The following TPRG1 variants were observed in gnomAD, a reference collection of about 807,000 sequenced individuals.
TPRG1 encodes the protein tumor protein p63-regulated gene 1 protein.
Under a neutral mutation model 29.3 loss-of-function variants are expected in TPRG1, and 29 were observed. That is an observed-to-expected ratio of 0.99 (90% CI 0.74 to 1.35). The LOEUF is 1.35. TPRG1 is among the 40% of genes most tolerant of loss of function. The probability of loss-of-function intolerance (pLI) is 0.00; values close to 1 mark genes in which losing one functional copy is unlikely to be tolerated. For missense variants in TPRG1, 327 were observed against 335.0 expected (o/e 0.98, Z 0.19); for synonymous variants, 130 against 116.8 (o/e 1.11, Z -0.73).
chr3:189,161,049 A>G (rs1273669158), intron 5 of TPRG1, among the ~76,000 whole-genome samples: 2 of 152,232 alleles, frequency 1.3e-5, no homozygotes, highest in African/African-American at 2.4e-5. Context: ...CTTCCTTGTG[A>G]TAAGATTGGT....
intron 3 of TPRG1, among the ~76,000 whole-genome samples, chr3:189,222,483 C>T (rs1044382479): frequency 6.6e-6 from 1 of 152,124 alleles, no homozygotes; most frequent in Non-Finnish European, 1.5e-5. Flanking sequence ...CTAGTCTAGA[C>T]CCCTGGTACT....
rs188303400 is a variant in TPRG1 at position 189,257,903 on chromosome 3, C to T, written c.479+18994C>T. ...TTAGTCTAGTTAGCAGTTCCTGTAG[C>T]CTTTTATCAAGGTTCTTAGCTTCTT... On this transcript the variant is annotated intron_variant, in intron 4 of 5. Coordinates refer to ENST00000345063, the MANE Select transcript of TPRG1 (RefSeq NM_198485.4). 5.3e-5 allele frequency among the ~76,000 whole-genome samples: 8 copies of T among 152,268 alleles called. No individual in the cohort carries two copies. The East Asian group carries it at 1.5e-3, about 29-fold the overall frequency.
In TPRG1 at chr3:189,037,997, C is replaced by T. The variant is rs115667688; in HGVS notation, c.-463+14051C>T. The stretch of plus-strand genomic sequence containing the variant: ...GTATTTTAAAGAGGTCAAATTTTGC[C>T]AAATTAAATAAAAAATGTATAGAAT... On this transcript the variant is annotated intron_variant, in intron 4 of 10. Coordinates refer to the TPRG1 transcript ENST00000433971. 3.6e-3 allele frequency among the ~76,000 whole-genome samples: 538 copies of T among 150,030 alleles called. 2 individuals carry two copies. The highest frequency in any genetic ancestry group is 5.3e-3 in the Non-Finnish European group (360 of 67,364).
chr3:189,045,540 A>G (rs985152631), intron 4 of TPRG1, among the ~76,000 whole-genome samples: 1 of 152,238 alleles, frequency 6.6e-6, no homozygotes, highest in Non-Finnish European at 1.5e-5. Context: ...TGATCTGTCT[A>G]CACTTCAGCT....
intron 5 of TPRG1, among the ~76,000 whole-genome samples, chr3:189,311,370 A>G (rs1007482702): frequency 5.3e-5 from 8 of 152,180 alleles, no homozygotes; most frequent in Admixed American, 1.3e-4. Flanking sequence ...TTTATTTGCT[A>G]TGAATTCAAA....
At chr3:189,231,265 CATATATAT>C (rs149177739) in intron 3 of TPRG1, among the ~76,000 whole-genome samples, 2 of 144,282 alleles carry the variant, frequency 1.4e-5, no homozygotes, top group African/African-American at 5.1e-5. Context: ...ACCTATAAAA[CATATATAT>C]ATATATATAT....
intron 4 of TPRG1, among the ~76,000 whole-genome samples, chr3:189,058,305 A>G (rs763510056): frequency 1.3e-5 from 2 of 152,118 alleles, no homozygotes; most frequent in African/African-American, 4.8e-5. Context: ...GCTCTCCTTA[A>G]ATCCATCTCT....
intron 1 of TPRG1, among the ~76,000 whole-genome samples, chr3:189,193,391 G>T (rs1320994063): frequency 1.3e-5 from 2 of 152,084 alleles, no homozygotes; most frequent in Admixed American, 1.3e-4. Context: ...GCTTCACAGA[G>T]AAACTTTTGG....
intron 4 of TPRG1, among the ~76,000 whole-genome samples, chr3:189,041,947 C>A (rs941775618): frequency 4.6e-5 from 7 of 152,132 alleles, no homozygotes; most frequent in Non-Finnish European, 8.8e-5. Context: ...TTGAGCCTCA[C>A]CCAATAATTT....
intron 5 of TPRG1, among the ~76,000 whole-genome samples, chr3:189,160,963 GTGCC>G (rs1727394707): frequency 6.6e-6 from 1 of 152,200 alleles, no homozygotes. Flanking sequence ...AATTGAAAAG[GTGCC>G]TCATAATGGC....
intron 2 of TPRG1, among the ~76,000 whole-genome samples, chr3:189,212,961 G>C (rs1164683680): frequency 6.6e-6 from 1 of 152,142 alleles, no homozygotes; most frequent in Non-Finnish European, 1.5e-5. Context: ...TTCAGTGCTA[G>C]ACTGTAAAAG....
chr3:189,009,185 G>A (rs1712463822), intron 3 of TPRG1, among the ~76,000 whole-genome samples: 1 of 152,082 alleles, frequency 6.6e-6, no homozygotes, highest in Admixed American at 6.6e-5. Context: ...TGGCCCACCG[G>A]CTGGCTATGA....
At chr3:189,089,648 G>A (rs966841336) in intron 4 of TPRG1, among the ~76,000 whole-genome samples, 2 of 152,140 alleles carry the variant, frequency 1.3e-5, no homozygotes, top group Non-Finnish European at 2.9e-5. Context: ...GGGAGGCTGA[G>A]CAAGCTAGTT....
chr3:189,030,881 C>A (rs1279746534), intron 4 of TPRG1, among the ~76,000 whole-genome samples: 2 of 152,196 alleles, frequency 1.3e-5, no homozygotes, highest in Non-Finnish European at 2.9e-5. Context: ...TGTCCAAGAT[C>A]ACACAGCCAG....
upstream of TPRG1, among the ~76,000 whole-genome samples, chr3:189,096,785 A>G (rs1718707924): frequency 6.6e-6 from 1 of 152,226 alleles, no homozygotes. Context: ...TCAATCTGTA[A>G]TAATATGTTG....
At chr3:189,046,912 C>T (rs1013098981) in intron 4 of TPRG1, among the ~76,000 whole-genome samples, 1 of 152,066 alleles carries the variant, frequency 6.6e-6, no homozygotes, top group Non-Finnish European at 1.5e-5. Flanking sequence ...ACAACCACCA[C>T]CAAAACAAAA....
At chr3:189,271,227 C>T (rs747051920) in intron 4 of TPRG1, among the ~76,000 whole-genome samples, 26 of 152,232 alleles carry the variant, frequency 1.7e-4, no homozygotes, top group South Asian at 4.1e-4. Context: ...TTGCTTTAGA[C>T]GAATACATGG....
At chr3:189,082,677 A>C (rs1311115559) in intron 4 of TPRG1, among the ~76,000 whole-genome samples, 3 of 152,098 alleles carry the variant, frequency 2.0e-5, no homozygotes, top group Non-Finnish European at 2.9e-5. Flanking sequence ...TCTGTTTCAA[A>C]CTTTACAATT....
At chr3:189,054,483 T>C (rs1055218190) in intron 4 of TPRG1, among the ~76,000 whole-genome samples, 2 of 151,832 alleles carry the variant, frequency 1.3e-5, no homozygotes, top group African/African-American at 4.8e-5. Context: ...ATATTAATAT[T>C]GTAATTATTT....
Sources: gnomAD v4.1 joint callset for allele counts (sites outside exome capture counted in the v4.1 genomes callset) on GRCh38, gnomAD v4.1.1 for gene constraint, MANE v1.5 for transcripts, NCBI Gene and HGNC (gene_info 2026-07-23, HGNC 2026-07-21) for gene names.